Variants in FUT8 observed in about 807,000 individuals in gnomAD.
FUT8 encodes the protein fucosyltransferase 8, also known as alpha-(1,6)-fucosyltransferase.
In FUT8, 29 loss-of-function variants were observed where a neutral mutation model predicts 71.3. The ratio of observed to expected loss-of-function variants is 0.41; its 90% CI spans 0.30 to 0.55. FUT8 has a LOEUF of 0.55. Ranked by LOEUF, FUT8 falls within the 20% of genes least tolerant of loss-of-function variation. The probability of loss-of-function intolerance (pLI) is 0.34; values close to 1 mark genes in which losing one functional copy is unlikely to be tolerated. For synonymous variants in FUT8, 254 were observed against 239.3 expected, an observed-to-expected ratio of 1.06 and a Z score of -0.57; for missense variants, 544 against 702.1, an observed-to-expected ratio of 0.77 and a Z score of 2.55.
intron 1 of FUT8, among the ~76,000 whole-genome samples, chr14:65,427,161 C>T (rs1402884323): frequency 6.6e-6 from 1 of 152,144 alleles, no homozygotes; most frequent in African/African-American, 2.4e-5. Context: ...CGCGCCTGGC[C>T]TACATAACAC....
In FUT8 at chr14:65,596,293, T is replaced by C. The variant is rs181956254; in HGVS notation, c.204-19685T>C. Among the ~76,000 whole-genome samples, 14 of 152,364 alleles carry C rather than the reference T, an allele frequency of 9.2e-5. No individual in the cohort carries two copies. In the East Asian group the frequency reaches 2.5e-3, roughly 27 times the overall value. ...GATTTTAAATATAGATTTGCTATAA[T>C]AAAAACTACATCTTTTTATTTGGAT... On this transcript the variant is annotated intron_variant, in intron 3 of 10. Transcript: ENST00000673929.
At chr14:65,661,972 C>T (rs573500138) in intron 6 of FUT8, among the ~76,000 whole-genome samples, 23 of 152,086 alleles carry the variant, frequency 1.5e-4, no homozygotes, top group Admixed American at 3.3e-4. Context: ...CTTCAAATAC[C>T]ATTTTGGTTA....
the FUT8 span, among the ~76,000 whole-genome samples, chr14:65,364,559 A>G: frequency 6.6e-6 from 1 of 152,092 alleles, no homozygotes; most frequent in East Asian, 1.9e-4. Flanking sequence ...CGTTCTCAGC[A>G]TTCTTTTGCA....
chr14:65,534,717 G>C (rs978615757), intron 2 of FUT8, among the ~76,000 whole-genome samples: 5 of 151,776 alleles, frequency 3.3e-5, no homozygotes, highest in African/African-American at 4.8e-5. Flanking sequence ...GTGCCTAAAG[G>C]TGTTCATAAT....
chr14:65,645,965 C>T (rs1891106979), intron 6 of FUT8: 2 of 152,164 alleles, frequency 1.3e-5, no homozygotes, highest in South Asian at 4.1e-4. Flanking sequence ...CACAGGATCC[C>T]AGAAATGCAG....
intron 2 of FUT8, among the ~76,000 whole-genome samples, chr14:65,479,407 T>G (rs2066295130): frequency 6.6e-6 from 1 of 152,226 alleles, no homozygotes; most frequent in Non-Finnish European, 1.5e-5. Context: ...TTCTTCACAT[T>G]TTCTCTAACA....
intron 7 of FUT8, 105 bp from the exon 8 acceptor site, chr14:65,721,670 T>C: frequency 8.9e-7 from 1 of 1,118,096 alleles, no homozygotes; most frequent in Non-Finnish European, 1.3e-6. Flanking sequence ...ATTATACTTC[T>C]TTAGAGTTGC....
rs184194367 is a variant in FUT8 at position 65,702,633 on chromosome 14, A to C, written c.836-19142A>C. Reference sequence around the variant, plus strand: ...CCAGAATCTTTATGACCTCAGATGAATATAGGAGTATCGTAAAATGATTTG... The same window carrying C: ...CCAGAATCTTTATGACCTCAGATGACTATAGGAGTATCGTAAAATGATTTG... On this transcript the variant is annotated intron_variant, in intron 7 of 10. Transcript: ENST00000673929. Among the ~76,000 whole-genome samples, 175 of 152,294 alleles carry C rather than the reference A, an allele frequency of 1.1e-3. 1 individual carries two copies. Among genetic ancestry groups the C allele is most frequent in the African/African-American group, 4.1e-3 (171 of 41,568 alleles).
intron 5 of FUT8, among the ~76,000 whole-genome samples, chr14:65,628,510 G>A (rs1474673545): frequency 1.3e-5 from 2 of 152,178 alleles, no homozygotes; most frequent in Non-Finnish European, 2.9e-5. Context: ...AAAAGTGCTG[G>A]TGGTGATATG....
At chr14:65,558,325 CAAAA>C (rs67556145) in intron 2 of FUT8, among the ~76,000 whole-genome samples, 10 of 118,186 alleles carry the variant, frequency 8.5e-5, no homozygotes, top group Admixed American at 1.7e-4. Context: ...GAGCGAGACT[CAAAA>C]AAAAAAAAAA....
rs866020028 is a variant in FUT8, at chr14:65,522,380, A to G, written c.-227-38957A>G. Among the ~76,000 whole-genome samples, 4 of 152,076 alleles carry G rather than the reference A, an allele frequency of 2.6e-5. No homozygotes were observed. In the Middle Eastern group the frequency reaches 0.014, roughly 517 times the overall value. On this transcript the variant is annotated intron_variant, in intron 2 of 10. Coordinates refer to ENST00000673929, the MANE Select transcript of FUT8 (RefSeq NM_001371533.1). ...TCCTTTTTTTTTAAAGGGATTTATG[A>G]TGAAGAGAATAGGAGTTTGAAATTA...
At chr14:65,677,114 TTGTGTGTGTGTGTGTGTG>T (rs1555383258) in intron 7 of FUT8, among the ~76,000 whole-genome samples, 4 of 110,214 alleles carry the variant, frequency 3.6e-5, no homozygotes, top group African/African-American at 9.9e-5. Flanking sequence ...AAAGACATAT[TTGTGTGTGTGTGTGTGTG>T]TGTGTGTGTG....
intron 3 of FUT8, among the ~76,000 whole-genome samples, chr14:65,564,365 A>G (rs1368332883): frequency 6.6e-6 from 1 of 152,082 alleles, no homozygotes; most frequent in Non-Finnish European, 1.5e-5. Flanking sequence ...TCTAGATTCA[A>G]GTCAATAATC....
At chr14:65,710,463 A>G (rs1387467438) in intron 7 of FUT8, among the ~76,000 whole-genome samples, 1 of 152,172 alleles carries the variant, frequency 6.6e-6, no homozygotes, top group Non-Finnish European at 1.5e-5. Flanking sequence ...TCATTTTGAA[A>G]TATGTTGTTA....
rs1351371675 is a variant in FUT8 at position 65,669,169 on chromosome 14, A to AT, written c.598-72dup. The AT allele has an allele frequency of 8.8e-7, 1 of 1,135,208 alleles. No homozygotes were observed. The highest frequency in any genetic ancestry group is 1.6e-5 in the African/African-American group (1 of 63,712). The allele number at this position is 1,135,208 out of a possible 1,614,324, so 70.3% of individuals were successfully genotyped here. A position where few individuals can be genotyped will look rare whatever the true frequency, so the allele number is the denominator to read the frequency against. On this transcript the variant is annotated intron_variant, in intron 6 of 10. Coordinates refer to ENST00000673929, the MANE Select transcript of FUT8 (RefSeq NM_001371533.1). The surrounding 1 kb of genome is among the most constrained non-coding windows in gnomAD (Gnocchi z 4.5). ...GCATGTGTACCCCTGAAGATGAAAG[A>AT]TTAAAAAAAAAAAAGAGCAGTTGAC...
intron 10 of FUT8, among the ~76,000 whole-genome samples, chr14:65,736,206 T>C (rs548196737): frequency 3.9e-5 from 6 of 152,130 alleles, no homozygotes; most frequent in Non-Finnish European, 8.8e-5. Context: ...TAAGGAGTTA[T>C]GAAAAGTAAA....
chr14:65,407,585 A>G (rs1389999615), upstream of FUT8, among the ~76,000 whole-genome samples: 1 of 152,210 alleles, frequency 6.6e-6, no homozygotes, highest in Non-Finnish European at 1.5e-5. Flanking sequence ...TGAAGGTATG[A>G]GCCATAATTG....
intron 1 of FUT8, among the ~76,000 whole-genome samples, chr14:65,421,382 C>T (rs1466519830): frequency 6.6e-6 from 1 of 151,962 alleles, no homozygotes; most frequent in Non-Finnish European, 1.5e-5. Flanking sequence ...GAAGGGGAGG[C>T]GTGAGAGGCA....
intron 3 of FUT8, among the ~76,000 whole-genome samples, chr14:65,572,640 C>T (rs1485843610): frequency 6.6e-6 from 1 of 151,932 alleles, no homozygotes; most frequent in African/African-American, 2.4e-5. Flanking sequence ...TGTACATTCT[C>T]TTTCTACCAG....
Sources: gnomAD v4.1 joint callset for allele counts (sites outside exome capture counted in the v4.1 genomes callset) on GRCh38, gnomAD v4.1.1 for gene constraint, Gnocchi (gnomAD v3.1) non-coding constraint, MANE v1.5 for transcripts, NCBI Gene and HGNC (gene_info 2026-07-23, HGNC 2026-07-21) for gene names.